GRIA1: variants seen among roughly 807,000 people sequenced by gnomAD.
GRIA1 encodes glutamate ionotropic receptor AMPA type subunit 1, also known as glutamate receptor 1.
GRIA1 carries 31 observed loss-of-function variants against 99.2 expected under a neutral mutation model. The ratio of observed to expected loss-of-function variants is 0.31; its 90% CI spans 0.23 to 0.42. GRIA1 has a LOEUF of 0.42. Among genes scored for constraint, GRIA1 ranks in the 10% least tolerant of loss-of-function variants. The pLI, the probability that GRIA1 is intolerant of heterozygous loss-of-function variation, is 1.00. For synonymous variants in GRIA1, 438 were observed against 432.4 expected (o/e 1.01, Z -0.16); for missense variants, 782 against 1,157.5 (o/e 0.68, Z 4.71).
intron 2 of GRIA1, among the ~76,000 whole-genome samples, chr5:153,509,506 G>A (rs1201625856): frequency 6.6e-6 from 1 of 152,046 alleles, no homozygotes; most frequent in African/African-American, 2.4e-5. Flanking sequence ...TTCTTGAGAG[G>A]TTTTATCTAT....
chr5:153,784,158 TAC>T (rs1764821771), intron 13 of GRIA1, among the ~76,000 whole-genome samples: 1 of 152,092 alleles, frequency 6.6e-6, no homozygotes, highest in Middle Eastern at 3.2e-3. Flanking sequence ...AAAACTGAGG[TAC>T]AGTTAGGGTC....
rs377250177 is a variant in GRIA1, at chr5:153,563,823, G to T, written c.220+69758G>T. Among the ~76,000 whole-genome samples the T allele has an allele frequency of 5.9e-5, 9 of 152,232 alleles. No individual in the cohort carries two copies. In the South Asian group the frequency reaches 1.7e-3, roughly 28 times the overall value. Reference sequence around the variant, plus strand: ...CAGAAAGGCCCTTTCATCTCAAATTGTTCTCTTTTCATTAGTGTCTTGGTT... The same window carrying T: ...CAGAAAGGCCCTTTCATCTCAAATTTTTCTCTTTTCATTAGTGTCTTGGTT... On this transcript the variant is annotated intron_variant, in intron 2 of 15. Transcript: ENST00000285900.
chr5:153,646,690 C>T (rs546417050), intron 2 of GRIA1, among the ~76,000 whole-genome samples: 3 of 152,100 alleles, frequency 2.0e-5, no homozygotes, highest in Non-Finnish European at 4.4e-5. Flanking sequence ...AATGAGGCAT[C>T]GAACAGGTGA....
At chr5:153,685,854 GC>G (rs1757301388) in intron 7 of GRIA1, among the ~76,000 whole-genome samples, 1 of 152,108 alleles carries the variant, frequency 6.6e-6, no homozygotes, top group Non-Finnish European at 1.5e-5. Flanking sequence ...TCCTTTGCAG[GC>G]CCCCCATACT....
At chr5:153,506,948 C>T (rs947657323) in intron 2 of GRIA1, among the ~76,000 whole-genome samples, 13 of 152,002 alleles carry the variant, frequency 8.6e-5, no homozygotes, top group Non-Finnish European at 1.9e-4. Flanking sequence ...CATGGCAAAA[C>T]CCTGCCTCTA....
At chr5:153,769,528 G>A (rs1274753644) in intron 12 of GRIA1, among the ~76,000 whole-genome samples, 1 of 152,054 alleles carries the variant, frequency 6.6e-6, no homozygotes, top group Non-Finnish European at 1.5e-5. Flanking sequence ...GGTGAGTTTA[G>A]GGGGAAATAC....
chr5:153,591,635 A>G (rs987908016), intron 2 of GRIA1, among the ~76,000 whole-genome samples: 6 of 152,216 alleles, frequency 3.9e-5, no homozygotes, highest in African/African-American at 1.4e-4. Flanking sequence ...TAGCACCAAG[A>G]AGCACTCAAT....
intron 2 of GRIA1, among the ~76,000 whole-genome samples, chr5:153,620,986 C>A (rs1037137778): frequency 6.6e-6 from 1 of 152,148 alleles, no homozygotes; most frequent in African/African-American, 2.4e-5. Flanking sequence ...TGTTATGCTT[C>A]CATGATTTGT....
intron 13 of GRIA1, among the ~76,000 whole-genome samples, chr5:153,775,000 G>T (rs142198131): frequency 3.3e-5 from 5 of 152,294 alleles, no homozygotes; most frequent in African/African-American, 1.2e-4. Context: ...ATGTTTGGGG[G>T]TGGGAGAGGG....
intron 2 of GRIA1, among the ~76,000 whole-genome samples, chr5:153,608,189 C>A (rs1765622252): frequency 6.6e-6 from 1 of 151,926 alleles, no homozygotes; most frequent in Non-Finnish European, 1.5e-5. Flanking sequence ...GAGTTACTGT[C>A]TTTGGTTTTC....
Position 153,582,242 on chromosome 5 carries a change from G to A in GRIA1, c.221-64686G>A, listed in dbSNP as rs374638619. Among the ~76,000 whole-genome samples the A allele has an allele frequency of 1.5e-4, 23 of 152,306 alleles. No homozygotes were observed. The East Asian group carries it at 3.9e-3, about 26-fold the overall frequency. ...ATCATTGTGTTTCTGAAGGTTTTAT[G>A]TTAGCACCTTTGGGCCATGCTGGGA... On this transcript the variant is annotated intron_variant, in intron 2 of 15. Coordinates refer to ENST00000285900, the MANE Select transcript of GRIA1 (RefSeq NM_000827.4).
intron 2 of GRIA1, among the ~76,000 whole-genome samples, chr5:153,643,044 G>T (rs1753886974): frequency 6.6e-6 from 1 of 152,146 alleles, no homozygotes; most frequent in Admixed American, 6.6e-5. Context: ...AGAAAAGCAG[G>T]CTGCAGGCAG....
intron 11 of GRIA1, among the ~76,000 whole-genome samples, chr5:153,741,953 A>G (rs1285181455): frequency 6.6e-6 from 1 of 151,564 alleles, no homozygotes; most frequent in Non-Finnish European, 1.5e-5. Context: ...AAAAAAAAGA[A>G]AAAGAGGAAA....
chr5:153,800,204 A>G (rs745544305), intron 14 of GRIA1, among the ~76,000 whole-genome samples: 21 of 152,066 alleles, frequency 1.4e-4, no homozygotes, highest in Non-Finnish European at 2.8e-4. Flanking sequence ...TCTGAGCTCC[A>G]CTGTCAACCA....
At chr5:153,559,932 C>T (rs1760977159) in intron 2 of GRIA1, among the ~76,000 whole-genome samples, 1 of 152,176 alleles carries the variant, frequency 6.6e-6, no homozygotes, top group East Asian at 1.9e-4. Context: ...ATCCTTCTGA[C>T]ACACCCTATT....
intron 2 of GRIA1, among the ~76,000 whole-genome samples, chr5:153,557,626 A>G (rs1406166635): frequency 6.6e-6 from 1 of 152,036 alleles, no homozygotes; most frequent in African/African-American, 2.4e-5. Context: ...GTTACTTTTT[A>G]AACTTTTTGG....
chr5:153,572,345 A>C (rs1250089068), intron 2 of GRIA1, among the ~76,000 whole-genome samples: 1 of 152,192 alleles, frequency 6.6e-6, no homozygotes, highest in Non-Finnish European at 1.5e-5. Context: ...AGAGTACACC[A>C]TCAAGAAAGG....
chr5:153,793,137 C>T (rs1402759196), intron 13 of GRIA1, among the ~76,000 whole-genome samples: 2 of 152,102 alleles, frequency 1.3e-5, no homozygotes, highest in Non-Finnish European at 2.9e-5. Context: ...ACTAGAGTCA[C>T]CAAATAGCCA....
intron 15 of GRIA1, among the ~76,000 whole-genome samples, chr5:153,806,926 T>A (rs958946879): frequency 2.6e-5 from 4 of 152,206 alleles, no homozygotes; most frequent in Non-Finnish European, 4.4e-5. Flanking sequence ...CAACATGGTC[T>A]CCACAAAGCC....
Sources: gnomAD v4.1 joint callset for allele counts (sites outside exome capture counted in the v4.1 genomes callset) on GRCh38, gnomAD v4.1.1 for gene constraint, MANE v1.5 for transcripts, NCBI Gene and HGNC (gene_info 2026-07-23, HGNC 2026-07-21) for gene names.